The following IFNLR1 variants were observed in gnomAD, a reference collection of about 807,000 sequenced individuals.
IFNLR1 encodes interferon lambda receptor 1, also known as CRF2-12.
A neutral mutation model predicts 52.5 loss-of-function variants in IFNLR1; 28 were observed. That is an observed-to-expected ratio of 0.53 (90% CI 0.40 to 0.73). IFNLR1 has a LOEUF of 0.73. Ranked by LOEUF, IFNLR1 falls within the 30% of genes least tolerant of loss-of-function variation. IFNLR1 has a pLI of 0.00. For missense variants in IFNLR1, 623 were observed against 659.1 expected, an observed-to-expected ratio of 0.95 and a Z score of 0.60; for synonymous variants, 276 against 274.9, an observed-to-expected ratio of 1.00 and a Z score of -0.04.
At position 24,157,276 on chromosome 1, in the gene IFNLR1, T is replaced by C; in HGVS notation, c.1417A>G (p.Thr473Ala). Residue 473 changes from threonine (T) to alanine (A), a missense_variant, in exon 7 of 7, where the codon ACC (threonine) becomes GCC (alanine). By Grantham distance (58) the Thr-to-Ala change is moderately conservative (BLOSUM62 0). Coordinates refer to ENST00000327535, the MANE Select transcript of IFNLR1 (RefSeq NM_170743.4). The surrounding 1 kb of genome is among the most constrained non-coding windows in gnomAD (Gnocchi z 5.1). ...TCAGGGCTGCTTTCCCAGCAGAAGG[T>C]CAGTGTCTGAAGAGAAACTGGGGGT... ...GGPPVSLQTL[T>A]FCWESSPEEE... is the part of the protein sequence containing the mutation. The C allele has an allele frequency of 6.2e-7, 1 of 1,614,158 alleles. No homozygotes were observed.
Position 24,159,095 on chromosome 1 carries a change from A to C in IFNLR1, c.758T>G (p.Met253Arg). ...TGCCCGCTGAAACCAGGGGTTCCCCATGAGGGTCTTCCAGATCACACCCCC... is the reference window on the plus strand; with the variant it reads ...TGCCCGCTGAAACCAGGGGTTCCCCCTGAGGGTCTTCCAGATCACACCCCC... ...AAGGVIWKTL[M>R]GNPWFQRAKM... The change falls in exon 6 of 7, where the codon ATG (methionine) becomes AGG (arginine). Residue 253 changes from methionine (M) to arginine (R), a missense_variant. Met to Arg is a moderately conservative substitution (Grantham distance 91). Transcript: ENST00000327535. 6.2e-7 allele frequency: 1 copy of C among 1,614,106 alleles called. No individual in the cohort carries two copies. The highest frequency in any genetic ancestry group is 8.5e-7 in the Non-Finnish European group (1 of 1,180,012).
In IFNLR1 at chr1:24,157,554, G is replaced by A. The variant is rs762398991; in HGVS notation, c.1139C>T (p.Ser380Phe). The A allele has an allele frequency of 1.2e-6, 2 of 1,612,288 alleles. No homozygotes were observed. Among genetic ancestry groups the A allele is most frequent in the Non-Finnish European group, 8.5e-7 (1 of 1,179,180 alleles). ...PRAPLVPSEG[S>F]SAWDSSDRSW... ...TCTGTCTGAAGAATCCCAAGCAGAG[G>A]AGCCTTCGCTTGGGACCAGAGGAGC... Residue 380 changes from serine to phenylalanine, a missense_variant, in exon 7 of 7, where the codon TCC becomes TTC. Coordinates refer to ENST00000327535, the MANE Select transcript of IFNLR1 (RefSeq NM_170743.4). This position sits in a 1 kb window ranked among gnomAD's most constrained non-coding sequence, Gnocchi z 5.1.
At chr1:24,181,881 C>A (rs993302285) in intron 1 of IFNLR1, among the ~76,000 whole-genome samples, 3 of 152,120 alleles carry the variant, frequency 2.0e-5, no homozygotes, top group African/African-American at 7.2e-5. Context: ...GACAGCTAGG[C>A]TATTAGGCTG....
At chr1:24,179,182 C>G (rs1209207490) in intron 2 of IFNLR1, among the ~76,000 whole-genome samples, 1 of 151,906 alleles carries the variant, frequency 6.6e-6, no homozygotes, top group Non-Finnish European at 1.5e-5. Context: ...CTCTTGGACT[C>G]AAGCAATCTC....
Position 24,157,239 on chromosome 1 carries a change from T to G in IFNLR1, c.1454A>C (p.Glu485Ala), listed in dbSNP as rs1417203817. Residue 485 changes from glutamate to alanine, a missense_variant, in exon 7 of 7, where the codon GAG (glutamate) becomes GCG (alanine). Physicochemically the swap from Glu to Ala is moderately radical, Grantham distance 107. Transcript: ENST00000327535. The surrounding 1 kb of genome is among the most constrained non-coding windows in gnomAD (Gnocchi z 5.1). ...CWESSPEEEE[E>A]ARESEIEDSD... ...GTCCTCAATTTCTGATTCCCTCGCC[T>G]CCTCTTCCTCCTCAGGGCTGCTTTC... The G allele has an allele frequency of 6.2e-7, 1 of 1,613,984 alleles. No individual in the cohort carries two copies. Among genetic ancestry groups the G allele is most frequent in the Non-Finnish European group, 8.5e-7 (1 of 1,180,006 alleles).
chr1:24,173,797 C>CGCCA, intron 2 of IFNLR1, among the ~76,000 whole-genome samples: 1 of 151,002 alleles, frequency 6.6e-6, no homozygotes, highest in South Asian at 2.1e-4. Context: ...TACAGGTGTA[C>CGCCA]GCCACCATGC....
intron 3 of IFNLR1, among the ~76,000 whole-genome samples, chr1:24,167,546 G>A (rs150866656): frequency 4.4e-4 from 67 of 151,568 alleles, no homozygotes; most frequent in African/African-American, 1.5e-3. Flanking sequence ...CACCACACAC[G>A]GGTAACTTTT....
intron 3 of IFNLR1, 86 bp from the exon 4 acceptor site, chr1:24,161,770 G>C (rs1174690236): frequency 7.4e-7 from 1 of 1,347,978 alleles, no homozygotes; most frequent in East Asian, 2.6e-5. Flanking sequence ...TCTTGGAAAT[G>C]GAAAAGCAAC....
chr1:24,186,881 G>A (rs1261335618), intron 1 of IFNLR1, among the ~76,000 whole-genome samples: 1 of 152,138 alleles, frequency 6.6e-6, no homozygotes, highest in Non-Finnish European at 1.5e-5. Flanking sequence ...GCTTTCTTTA[G>A]GAAACATTAA....
chr1:24,181,150 T>C (rs946469564), intron 1 of IFNLR1, among the ~76,000 whole-genome samples: 1 of 152,224 alleles, frequency 6.6e-6, no homozygotes, highest in Non-Finnish European at 1.5e-5. Flanking sequence ...GGCTCTGTCC[T>C]GTTCTCAGCC....
intron 3 of IFNLR1, among the ~76,000 whole-genome samples, chr1:24,166,812 A>C (rs1252890193): frequency 6.6e-6 from 1 of 152,006 alleles, no homozygotes; most frequent in Non-Finnish European, 1.5e-5. Flanking sequence ...CTCATCCTCA[A>C]AGGATCTTCC....
At chr1:24,185,975 G>A (rs1644734499) in intron 1 of IFNLR1, among the ~76,000 whole-genome samples, 1 of 152,140 alleles carries the variant, frequency 6.6e-6, no homozygotes, top group Non-Finnish European at 1.5e-5. Context: ...AGTTTGTGTG[G>A]GAGCCAGTAT....
intron 4 of IFNLR1, among the ~76,000 whole-genome samples, chr1:24,159,934 T>C (rs561616796): frequency 3.9e-5 from 6 of 152,184 alleles, no homozygotes; most frequent in Admixed American, 3.3e-4. Context: ...ATTTTTTGTA[T>C]AGGCAAGGTC....
At chr1:24,168,702 A>G (rs956484328) in intron 3 of IFNLR1, among the ~76,000 whole-genome samples, 6 of 151,170 alleles carry the variant, frequency 4.0e-5, no homozygotes, top group Non-Finnish European at 7.4e-5. Context: ...AAATTTCTAC[A>G]GTGTATAGAA....
chr1:24,179,198 C>A (rs1644664340), intron 2 of IFNLR1, among the ~76,000 whole-genome samples: 1 of 152,016 alleles, frequency 6.6e-6, no homozygotes, highest in South Asian at 2.1e-4. Context: ...ATCTCCCCAC[C>A]CACCTCGGCC....
At chr1:24,162,811 CTTT>C (rs1557644076) in intron 3 of IFNLR1, among the ~76,000 whole-genome samples, 1 of 85,270 alleles carries the variant, frequency 1.2e-5, no homozygotes, top group Non-Finnish European at 2.4e-5. Flanking sequence ...TTTTTTCTTT[CTTT>C]TTTTCTTCTT....
intron 3 of IFNLR1, among the ~76,000 whole-genome samples, chr1:24,165,246 A>G (rs895751790): frequency 6.6e-6 from 1 of 152,162 alleles, no homozygotes; most frequent in African/African-American, 2.4e-5. Context: ...TCGGATAAGC[A>G]TTCAAATTCA....
rs1644421348 is a variant in IFNLR1, at chr1:24,159,726, G to GTTTTTTTTTGTT, written c.511-94_511-93insAACAAAAAAAAA. The GTTTTTTTTTGTT allele has an allele frequency of 6.6e-6, 5 of 762,686 alleles. No individual in the cohort carries two copies. In the South Asian group the frequency reaches 8.4e-5, roughly 13 times the overall value. The allele number at this position is 762,686 out of a possible 1,614,324, so 47.2% of individuals were successfully genotyped here. The stretch of plus-strand genomic sequence containing the variant: ...GTGGGGTTGGCAGACATGGTAGGGT[G>GTTTTTTTTTGTT]TTTTTTTTTTGTTTTTTTTTTTTGT... On this transcript the variant is annotated intron_variant, in intron 4 of 6. Transcript: ENST00000327535.
chr1:24,185,130 T>C (rs1644724489), intron 1 of IFNLR1, among the ~76,000 whole-genome samples: 1 of 152,086 alleles, frequency 6.6e-6, no homozygotes, highest in African/African-American at 2.4e-5. Context: ...TTAATCCTCA[T>C]TACATCCCTA....
Sources: gnomAD v4.1 joint callset for allele counts (sites outside exome capture counted in the v4.1 genomes callset) on GRCh38, gnomAD v4.1.1 for gene constraint, Gnocchi (gnomAD v3.1) non-coding constraint, MANE v1.5 for transcripts, NCBI Gene and HGNC (gene_info 2026-07-23, HGNC 2026-07-21) for gene names.